Variants in DACH2 observed in about 807,000 individuals in gnomAD.
The protein encoded by DACH2 is dachshund homolog 2.
Under a neutral mutation model 35.8 loss-of-function variants are expected in DACH2, and 17 were observed. That is an observed-to-expected ratio of 0.48 (90% CI 0.33 to 0.71). The LOEUF is 0.71. DACH2 is among the 30% of genes least tolerant of loss of function. The pLI is 0.02. For missense variants in DACH2, 469 were observed against 472.7 expected, an observed-to-expected ratio of 0.99 and a Z score of 0.07; for synonymous variants, 195 against 177.3, an observed-to-expected ratio of 1.10 and a Z score of -0.79.
chrX:86,597,865 C>T (rs1035974413), intron 3 of DACH2, among the ~76,000 whole-genome samples: 2 of 111,333 alleles, frequency 1.8e-5, no homozygotes, highest in African/African-American at 3.3e-5. Flanking sequence ...TGTATTAGTC[C>T]GTTTTCACAC....
In DACH2 at chrX:86,407,581, G is replaced by A. The variant is rs1193119518; in HGVS notation, c.527+30719G>A. Among the ~76,000 whole-genome samples the A allele has an allele frequency of 2.7e-5, 3 of 112,271 alleles. No homozygotes were observed. In the East Asian group the frequency reaches 8.4e-4, roughly 31 times the overall value. On this transcript the variant is annotated intron_variant, in intron 2 of 11. Coordinates refer to ENST00000373125, the MANE Select transcript of DACH2 (RefSeq NM_053281.3). ...TTTATTGAATTTTGAACTGTATTCT[G>A]TTGCTAAAGAATGGGGAAGAGCTTC...
At chrX:86,630,430 A>G (rs1427095878) in intron 3 of DACH2, among the ~76,000 whole-genome samples, 1 of 108,004 alleles carries the variant, frequency 9.3e-6, no homozygotes, top group Non-Finnish European at 1.9e-5. Context: ...ACACATATAT[A>G]TATATGAACG....
chrX:86,505,237 G>A (rs1405579320), intron 2 of DACH2, among the ~76,000 whole-genome samples: 2 of 111,792 alleles, frequency 1.8e-5, no homozygotes, highest in Non-Finnish European at 3.8e-5. Flanking sequence ...TGCAAACATA[G>A]CAACAATACT....
intron 1 of DACH2, among the ~76,000 whole-genome samples, chrX:86,219,885 G>A (rs776300609): frequency 5.2e-4 from 56 of 108,241 alleles, no homozygotes; most frequent in Non-Finnish European, 8.4e-4. Flanking sequence ...GCCGGGAGCG[G>A]TGGCTCACAC....
At chrX:86,552,145 C>T (rs1018341381) in intron 3 of DACH2, among the ~76,000 whole-genome samples, 3 of 111,390 alleles carry the variant, frequency 2.7e-5, no homozygotes, top group Admixed American at 1.9e-4. Flanking sequence ...GGAATTGTAA[C>T]CTTATTACTG....
chrX:86,366,570 C>T (rs2035809407), intron 1 of DACH2, among the ~76,000 whole-genome samples: 1 of 110,936 alleles, frequency 9.0e-6, no homozygotes, highest in Admixed American at 9.6e-5. Context: ...TTCCTAATAA[C>T]CCCACTTAGA....
intron 3 of DACH2, among the ~76,000 whole-genome samples, chrX:86,586,051 A>C (rs766522422): frequency 6.3e-4 from 70 of 110,886 alleles, no homozygotes; most frequent in African/African-American, 2.2e-3. Context: ...CATTCCCTTT[A>C]CTCTACAACC....
At chrX:86,291,064 T>G (rs1429947054) in intron 1 of DACH2, among the ~76,000 whole-genome samples, 1 of 102,079 alleles carries the variant, frequency 9.8e-6, no homozygotes, top group Non-Finnish European at 2.0e-5. Flanking sequence ...GAGCATGGAA[T>G]GTTCTTCCAT....
chrX:86,211,341 G>T (rs1485550799), intron 1 of DACH2, among the ~76,000 whole-genome samples: 1 of 110,742 alleles, frequency 9.0e-6, no homozygotes, highest in African/African-American at 3.3e-5. Context: ...TTCCTTTTAG[G>T]CAAGACTTGT....
At chrX:86,185,519 G>T (rs757243153) in intron 1 of DACH2, among the ~76,000 whole-genome samples, 1 of 111,394 alleles carries the variant, frequency 9.0e-6, no homozygotes, top group South Asian at 3.8e-4. Flanking sequence ...TAAAGGGTCT[G>T]ATTCCTTACC....
intron 11 of DACH2, 38 bp from the exon 12 acceptor site, chrX:86,832,068 C>G: frequency 1.0e-6 from 1 of 993,729 alleles, no homozygotes; most frequent in Non-Finnish European, 1.4e-6. Flanking sequence ...ATCAGAATGA[C>G]TCTTCATAAG....
chrX:86,633,170 T>A (rs762607975), intron 3 of DACH2, among the ~76,000 whole-genome samples: 2 of 110,625 alleles, frequency 1.8e-5, no homozygotes, highest in Admixed American at 9.6e-5. Flanking sequence ...AAATGAAATG[T>A]TGGTTATTTG....
intron 7 of DACH2, among the ~76,000 whole-genome samples, chrX:86,763,908 G>A (rs1180255086): frequency 1.8e-5 from 2 of 111,583 alleles, no homozygotes; most frequent in Admixed American, 9.5e-5. Context: ...TTCAATAAAG[G>A]TATGGAAAAG....
chrX:86,634,137 C>T (rs1000019318), intron 3 of DACH2, among the ~76,000 whole-genome samples: 1 of 110,596 alleles, frequency 9.0e-6, no homozygotes, highest in African/African-American at 3.3e-5. Flanking sequence ...GTGCCACACA[C>T]CTTTAAACCA....
chrX:86,601,884 C>A (rs1171289353), intron 3 of DACH2, among the ~76,000 whole-genome samples: 1 of 112,073 alleles, frequency 8.9e-6, no homozygotes, highest in African/African-American at 3.2e-5. Flanking sequence ...TACTGCAGTA[C>A]AATTTACATA....
chrX:86,548,085 C>T (rs2039000101), intron 3 of DACH2, among the ~76,000 whole-genome samples: 1 of 112,470 alleles, frequency 8.9e-6, no homozygotes, highest in Non-Finnish European at 1.9e-5. Context: ...TAAGTCAAGC[C>T]TTCACTTAGT....
At chrX:86,209,330 G>C (rs139945139) in intron 1 of DACH2, among the ~76,000 whole-genome samples, 2 of 111,484 alleles carry the variant, frequency 1.8e-5, no homozygotes, top group African/African-American at 6.5e-5. Flanking sequence ...TGATGAGCTT[G>C]GTGATTCTAT....
chrX:86,780,824 C>T (rs1031709068), intron 7 of DACH2, among the ~76,000 whole-genome samples: 1 of 111,383 alleles, frequency 9.0e-6, no homozygotes, highest in Non-Finnish European at 1.9e-5. Flanking sequence ...TTGGGGATCG[C>T]TCCTGAGGAG....
At chrX:86,498,331 CT>C (rs2038201701) in intron 2 of DACH2, among the ~76,000 whole-genome samples, 1 of 111,898 alleles carries the variant, frequency 8.9e-6, no homozygotes, top group African/African-American at 3.2e-5. Context: ...TCAACTAATT[CT>C]TTTATACATA....
Sources: gnomAD v4.1 joint callset for allele counts (sites outside exome capture counted in the v4.1 genomes callset) on GRCh38, gnomAD v4.1.1 for gene constraint, MANE v1.5 for transcripts, NCBI Gene and HGNC (gene_info 2026-07-23, HGNC 2026-07-21) for gene names.